BRD4: variants seen among roughly 807,000 people sequenced by gnomAD.
The protein encoded by BRD4 is bromodomain containing 4, also known as bromodomain-containing protein 4.
Under a neutral mutation model 142.1 loss-of-function variants are expected in BRD4, and 16 were observed. That is an observed-to-expected ratio of 0.11 (90% CI 0.08 to 0.17). BRD4 has a LOEUF of 0.17. Among genes scored for constraint, BRD4 ranks in the 10% least tolerant of loss-of-function variants. The probability of loss-of-function intolerance (pLI) is 1.00; values close to 1 mark genes in which losing one functional copy is unlikely to be tolerated. For synonymous variants in BRD4, 833 were observed against 707.5 expected (o/e 1.18, Z -2.82); for missense variants, 1,424 against 1,810.9 (o/e 0.79, Z 3.88).
At chr19:15,290,507 C>T (rs1243683906) in intron 1 of BRD4, among the ~76,000 whole-genome samples, 3 of 152,142 alleles carry the variant, frequency 2.0e-5, no homozygotes, top group Non-Finnish European at 1.5e-5. Flanking sequence ...CCAGTACAAA[C>T]TCAAACCACC....
chr19:15,271,649 C>T (rs138967607), intron 2 of BRD4, among the ~76,000 whole-genome samples: 11 of 152,270 alleles, frequency 7.2e-5, no homozygotes, highest in African/African-American at 2.2e-4. Flanking sequence ...AGTGAGCTCC[C>T]CCAACAGTCT....
intron 7 of BRD4, among the ~76,000 whole-genome samples, chr19:15,261,387 G>A (rs2047469506): frequency 1.3e-5 from 2 of 152,078 alleles, no homozygotes; most frequent in Admixed American, 1.3e-4. Context: ...GGAGGCTGAG[G>A]CAGGAGAACT....
At position 15,243,094 on chromosome 19, in the gene BRD4, G is replaced by A. The variant is rs1418479948; in HGVS notation, c.2975C>T (p.Pro992Leu). The A allele has an allele frequency of 1.3e-6, 2 of 1,493,486 alleles. No homozygotes were observed. Among genetic ancestry groups the A allele is most frequent in the African/African-American group, 1.4e-5 (1 of 70,582 alleles). The allele number at this position is 1,493,486 out of a possible 1,614,324, so 92.5% of individuals were successfully genotyped here. A position where few individuals can be genotyped will look rare whatever the true frequency, so the allele number is the denominator to read the frequency against. Residue 992 changes from proline to leucine, a missense_variant, in exon 14 of 20, where the codon CCC becomes CTC. This residue lies in a region of BRD4 where 598 missense variants were observed against 647.8 expected (regional missense o/e 0.92). Transcript: ENST00000679869. ...PQPPPQQQHQ[P>L]PPRPVHLQPM... ...CTGCAAGTGCACGGGCCGTGGAGGG[G>A]GCTGATGCTGCTGCTGGGGTGGAGG... is the stretch of plus-strand genomic sequence containing the variant.
intron 1 of BRD4, among the ~76,000 whole-genome samples, chr19:15,319,277 A>C (rs947628342): frequency 3.9e-5 from 6 of 152,132 alleles, no homozygotes; most frequent in African/African-American, 1.2e-4. Context: ...GCAGCCTGGG[A>C]AACATGGTGA....
At chr19:15,303,102 A>G (rs1292837979) in intron 1 of BRD4, among the ~76,000 whole-genome samples, 1 of 152,194 alleles carries the variant, frequency 6.6e-6, no homozygotes, top group Non-Finnish European at 1.5e-5. Flanking sequence ...GAGAGAACAA[A>G]GCAGCAAGAC....
intron 7 of BRD4, chr19:15,257,464 G>A (rs1485467729): frequency 2.1e-6 from 1 of 480,176 alleles, no homozygotes; most frequent in Non-Finnish European, 3.7e-6. Flanking sequence ...TGAGACCCAG[G>A]CCACTAAGAC....
At chr19:15,257,303 G>T in intron 7 of BRD4, 130 bp from the exon 8 acceptor site, 1 of 887,944 alleles carries the variant, frequency 1.1e-6, no homozygotes, top group Non-Finnish European at 1.7e-6. Context: ...TGGTGATCCT[G>T]TCTCTTTGCT....
chr19:15,286,522 C>T (rs958305492), intron 1 of BRD4, among the ~76,000 whole-genome samples: 1 of 152,140 alleles, frequency 6.6e-6, no homozygotes, highest in African/African-American at 2.4e-5. Flanking sequence ...TTTCTAGGAG[C>T]CACATTAACA....
At chr19:15,332,100 G>A (rs1246660859) in intron 1 of BRD4, among the ~76,000 whole-genome samples, 190 bp downstream of exon 1, 6 of 146,074 alleles carry the variant, frequency 4.1e-5, no homozygotes, top group African/African-American at 7.4e-5. Flanking sequence ...GCCCCGGCCC[G>A]GAACGAACGG....
At chr19:15,289,591 G>C (rs965499486) in intron 1 of BRD4, among the ~76,000 whole-genome samples, 11 of 151,214 alleles carry the variant, frequency 7.3e-5, no homozygotes, top group African/African-American at 2.7e-4. Context: ...TCAGAAAATA[G>C]ATGGGTATTA....
intron 1 of BRD4, among the ~76,000 whole-genome samples, chr19:15,325,997 C>CAAAAAAAAAAAAAAA (rs35801340): frequency 3.9e-5 from 2 of 50,728 alleles, no homozygotes; most frequent in African/African-American, 8.1e-5. Flanking sequence ...GACTCCGTCT[C>CAAAAAAAAAAAAAAA]AAAAAAAAAA....
At chr19:15,317,641 G>A (rs1211528312) in intron 1 of BRD4, among the ~76,000 whole-genome samples, 2 of 152,024 alleles carry the variant, frequency 1.3e-5, no homozygotes, top group Non-Finnish European at 2.9e-5. Context: ...TGGTGGTGGT[G>A]GTCAGGAAGG....
Position 15,272,805 on chromosome 19 carries a change from C to CACT in BRD4, c.285+7_285+9dup. ...GGACGGCCACCCTGGGCCCTGCCCACACTACTCACAGGGAGGTTCAGCTTG... is the reference window on the plus strand; with the variant it reads ...GGACGGCCACCCTGGGCCCTGCCCACACTACTACTCACAGGGAGGTTCAGCTTG... On this transcript the variant is annotated intron_variant, in intron 2 of 19. Transcript: ENST00000679869. 6.2e-7 allele frequency: 1 copy of CACT among 1,610,736 alleles called. No homozygotes were observed. The highest frequency in any genetic ancestry group is 1.3e-5 in the African/African-American group (1 of 75,006).
intron 1 of BRD4, among the ~76,000 whole-genome samples, chr19:15,289,635 G>T (rs763283255): frequency 6.6e-6 from 1 of 150,766 alleles, no homozygotes; most frequent in Admixed American, 6.6e-5. Flanking sequence ...AGGTAGCTAG[G>T]TTAGTGCAAA....
intron 1 of BRD4, among the ~76,000 whole-genome samples, chr19:15,286,036 G>A (rs909270773): frequency 3.3e-5 from 5 of 152,124 alleles, no homozygotes; most frequent in Admixed American, 1.3e-4. Flanking sequence ...GGCTTGCCTC[G>A]TCCAGGGAGG....
intron 11 of BRD4, chr19:15,253,784 C>A (rs1159661338): frequency 6.3e-7 from 1 of 1,596,278 alleles, no homozygotes; most frequent in East Asian, 2.2e-5. Context: ...GTGCAGAAAG[C>A]TGGGTGTGGT....
rs941531804 is a variant in BRD4, at chr19:15,237,543, C to T, written c.*834G>A. On this transcript the variant is annotated 3_prime_UTR_variant, in exon 20 of 20. Coordinates refer to ENST00000679869, the MANE Select transcript of BRD4 (RefSeq NM_001379291.1). ...CAATGAGGAGACGATCACACCATTT[C>T]GGAGATAAGCAGTGCCATTGTGTCT... The T allele has an allele frequency of 3.2e-5, 7 of 221,950 alleles. No homozygotes were observed. Among genetic ancestry groups the T allele is most frequent in the African/African-American group, 1.4e-4 (6 of 43,858 alleles). 13.7% of individuals were successfully genotyped at this position (221,950 alleles called of 1,614,324 possible).
At position 15,236,565 on chromosome 19, in the gene BRD4, G is replaced by C. The variant is rs2047193551; in HGVS notation, c.*1812C>G. On this transcript the variant is annotated 3_prime_UTR_variant, in exon 20 of 20. Coordinates refer to ENST00000679869, the MANE Select transcript of BRD4 (RefSeq NM_001379291.1). Reference sequence around the variant, plus strand: ...GGGTGGAGGGGAAGAATACTGTCTGGAGTCTGGCCAGGGTTCTGCTAGAGC... The same window carrying C: ...GGGTGGAGGGGAAGAATACTGTCTGCAGTCTGGCCAGGGTTCTGCTAGAGC... 1.3e-5 allele frequency: 2 copies of C among 153,374 alleles called. No individual in the cohort carries two copies. The highest frequency in any genetic ancestry group is 4.1e-4 in the South Asian group (2 of 4,830). 9.5% of individuals were successfully genotyped at this position (153,374 alleles called of 1,614,324 possible).
rs945420815 is a variant in BRD4, at chr19:15,237,249, G to C, written c.*1128C>G. 8.2e-5 allele frequency: 10 copies of C among 121,402 alleles called. No homozygotes were observed. Among genetic ancestry groups the C allele is most frequent in the East Asian group, 6.9e-4 (4 of 5,792 alleles). The allele number at this position is 121,402 out of a possible 1,614,324, so 7.5% of individuals were successfully genotyped here. On this transcript the variant is annotated 3_prime_UTR_variant, in exon 20 of 20. Coordinates refer to ENST00000679869, the MANE Select transcript of BRD4 (RefSeq NM_001379291.1). Reference sequence around the variant, plus strand: ...ACAAAAAAGCCAACAAATGGGTGGGGGGGGGGGGGGTGGAGGGGAAAGAAA... The same window carrying C: ...ACAAAAAAGCCAACAAATGGGTGGGCGGGGGGGGGGTGGAGGGGAAAGAAA...
Sources: gnomAD v4.1 joint callset for allele counts (sites outside exome capture counted in the v4.1 genomes callset) on GRCh38, gnomAD v4.1.1 for gene constraint, gnomAD v4.1.1 regional missense constraint, MANE v1.5 for transcripts, NCBI Gene and HGNC (gene_info 2026-07-23, HGNC 2026-07-21) for gene names.